CAMKMT: variants seen among roughly 807,000 people sequenced by gnomAD.
CAMKMT encodes the protein calmodulin-lysine N-methyltransferase, also known as CaM KMT.
In CAMKMT, 53 loss-of-function variants were observed where a neutral mutation model predicts 48.0. The observed-to-expected ratio is 1.10, with a 90% CI of 0.89 to 1.39. The LOEUF (loss-of-function observed/expected upper bound fraction) is 1.39, where lower values mean the gene tolerates loss of function less well. CAMKMT is among the 40% of genes most tolerant of loss of function. CAMKMT has a pLI of 0.00. For synonymous variants in CAMKMT, 165 were observed against 152.3 expected (o/e 1.08, Z -0.61); for missense variants, 428 against 402.7 (o/e 1.06, Z -0.54).
intron 3 of CAMKMT, among the ~76,000 whole-genome samples, chr2:44,511,731 C>G (rs1004067134): frequency 6.6e-6 from 1 of 152,220 alleles, no homozygotes; most frequent in African/African-American, 2.4e-5. Flanking sequence ...ATCTGGGGCT[C>G]TTGCTCCCTC....
chr2:44,466,135 T>A (rs1340958723), intron 3 of CAMKMT, among the ~76,000 whole-genome samples: 1 of 152,086 alleles, frequency 6.6e-6, no homozygotes, highest in African/African-American at 2.4e-5. Context: ...AGACAGAAGA[T>A]CATAAGGAAA....
intron 8 of CAMKMT, among the ~76,000 whole-genome samples, chr2:44,749,029 T>C (rs1005033277): frequency 7.9e-5 from 12 of 152,216 alleles, no homozygotes; most frequent in Admixed American, 2.6e-4. Context: ...AGAATGTAGT[T>C]TTGGGAAAGA....
chr2:44,469,563 G>A (rs910990750), intron 3 of CAMKMT, among the ~76,000 whole-genome samples: 1 of 151,708 alleles, frequency 6.6e-6, no homozygotes, highest in Non-Finnish European at 1.5e-5. Flanking sequence ...CTTCTTCTTT[G>A]TGTTTCTTTA....
chr2:44,393,292 T>G (rs1457697976), intron 3 of CAMKMT: 1 of 152,208 alleles, frequency 6.6e-6, no homozygotes, highest in Non-Finnish European at 1.5e-5. Flanking sequence ...ATAGAAGTTT[T>G]GTGGTTTTAA....
At chr2:44,582,432 A>G (rs945973382) in intron 3 of CAMKMT, among the ~76,000 whole-genome samples, 1 of 152,216 alleles carries the variant, frequency 6.6e-6, no homozygotes, top group African/African-American at 2.4e-5. Flanking sequence ...CCATTTCTAA[A>G]TGCACTCAGT....
At chr2:44,747,344 G>C (rs1679963583) in intron 8 of CAMKMT, among the ~76,000 whole-genome samples, 1 of 152,098 alleles carries the variant, frequency 6.6e-6, no homozygotes, top group African/African-American at 2.4e-5. Context: ...TTTTCTTTCA[G>C]ATGCTGTGAT....
chr2:44,606,172 T>C (rs1034372689), intron 3 of CAMKMT, among the ~76,000 whole-genome samples: 16 of 152,296 alleles, frequency 1.1e-4, no homozygotes, highest in African/African-American at 3.8e-4. Context: ...CAATCTGGAC[T>C]TCTAAAATAG....
intron 3 of CAMKMT, among the ~76,000 whole-genome samples, chr2:44,699,986 G>T (rs1360978202): frequency 2.6e-5 from 4 of 152,200 alleles, no homozygotes; most frequent in African/African-American, 9.6e-5. Flanking sequence ...TTGAAAATCT[G>T]TTGGTTAGTG....
chr2:44,578,027 C>G (rs1006610833), intron 3 of CAMKMT, among the ~76,000 whole-genome samples: 1 of 152,092 alleles, frequency 6.6e-6, no homozygotes, highest in Non-Finnish European at 1.5e-5. Context: ...TGAAGATCCC[C>G]ATGTACATGT....
intron 3 of CAMKMT, among the ~76,000 whole-genome samples, chr2:44,625,117 T>C (rs1370392201): frequency 6.6e-6 from 1 of 152,236 alleles, no homozygotes; most frequent in African/African-American, 2.4e-5. Flanking sequence ...CCCCCAGCAG[T>C]GTATGAGAGT....
At chr2:44,770,353 A>G (rs72794034) in intron 10 of CAMKMT, among the ~76,000 whole-genome samples, 12,200 of 152,350 alleles carry the variant, frequency 0.08, 687 homozygotes, top group Non-Finnish European at 0.12. Flanking sequence ...CCCTTTCAGC[A>G]ACGAAGCCTC....
At chr2:44,476,281 A>C (rs1484537575) in intron 3 of CAMKMT, among the ~76,000 whole-genome samples, 1 of 152,038 alleles carries the variant, frequency 6.6e-6, no homozygotes, top group Non-Finnish European at 1.5e-5. Context: ...AAAAAAAAGT[A>C]GTAGGAGATT....
intron 3 of CAMKMT, among the ~76,000 whole-genome samples, chr2:44,428,546 C>T (rs73924760): frequency 0.02 from 3,116 of 152,298 alleles, 110 homozygotes; most frequent in African/African-American, 0.071. Context: ...GTGGAACCCT[C>T]GCCAGGGACC....
At chr2:44,493,701 G>A (rs968709726) in intron 3 of CAMKMT, among the ~76,000 whole-genome samples, 1 of 152,082 alleles carries the variant, frequency 6.6e-6, no homozygotes, top group Non-Finnish European at 1.5e-5. Context: ...ATTTATAGAA[G>A]AAAAAGCCTT....
At chr2:44,710,057 G>T (rs1018229955) in intron 6 of CAMKMT, among the ~76,000 whole-genome samples, 2 of 151,052 alleles carry the variant, frequency 1.3e-5, no homozygotes, top group African/African-American at 4.9e-5. Context: ...GAATCCAACT[G>T]AATCTTCTTA....
At chr2:44,708,513 CTT>C (rs1677691210) in intron 6 of CAMKMT, among the ~76,000 whole-genome samples, 1 of 151,876 alleles carries the variant, frequency 6.6e-6, no homozygotes, top group African/African-American at 2.4e-5. Flanking sequence ...GCCTGACAGA[CTT>C]AAAAAAAATT....
At chr2:44,460,030 T>C (rs1337076721) in intron 3 of CAMKMT, among the ~76,000 whole-genome samples, 2 of 152,170 alleles carry the variant, frequency 1.3e-5, no homozygotes, top group African/African-American at 4.8e-5. Context: ...AGTTGGCAAA[T>C]ACAGCCCATC....
At chr2:44,458,668 A>G (rs1667699305) in intron 3 of CAMKMT, among the ~76,000 whole-genome samples, 1 of 152,176 alleles carries the variant, frequency 6.6e-6, no homozygotes, top group African/African-American at 2.4e-5. Context: ...TCTATTTTTA[A>G]TCCAACAACC....
At chr2:44,689,353 C>T (rs953292811) in intron 3 of CAMKMT, among the ~76,000 whole-genome samples, 11 of 150,822 alleles carry the variant, frequency 7.3e-5, no homozygotes, top group Non-Finnish European at 1.5e-4. Context: ...GGCTGGAGTG[C>T]AGTGGCATGA....
Sources: allele counts gnomAD v4.1 joint callset (sites outside exome capture counted in the v4.1 genomes callset), GRCh38; gene constraint gnomAD v4.1.1; transcripts MANE v1.5; gene names NCBI Gene and HGNC (gene_info 2026-07-23, HGNC 2026-07-21).